Variants in UTP20 observed in about 807,000 individuals in gnomAD.
The protein encoded by UTP20 is UTP20 small subunit processome component.
UTP20 carries 164 observed loss-of-function variants against 329.5 expected under a neutral mutation model. The observed-to-expected ratio is 0.50, with a 90% CI of 0.44 to 0.57. UTP20 has a LOEUF of 0.57. UTP20 is among the 20% of genes least tolerant of loss of function. The pLI is 0.00. For synonymous variants in UTP20, 1,151 were observed against 1,159.3 expected, an observed-to-expected ratio of 0.99 and a Z score of 0.14; for missense variants, 3,055 against 3,284.2, an observed-to-expected ratio of 0.93 and a Z score of 1.71.
intron 44 of UTP20, among the ~76,000 whole-genome samples, chr12:101,363,314 T>C (rs1869988072): frequency 6.6e-6 from 1 of 152,228 alleles, no homozygotes; most frequent in African/African-American, 2.4e-5. Context: ...CAATTATATA[T>C]GTACATCTGT....
At chr12:101,351,927 T>C (rs1460968030) in intron 38 of UTP20, 128 bp from the exon 39 acceptor site, 15 of 1,091,258 alleles carry the variant, frequency 1.4e-5, no homozygotes, top group Non-Finnish European at 2.0e-5. Flanking sequence ...AAAAAATTAG[T>C]ATAGTTTGGA....
At chr12:101,377,267 T>C (rs1253319768) in intron 56 of UTP20, among the ~76,000 whole-genome samples, 3 of 152,168 alleles carry the variant, frequency 2.0e-5, no homozygotes, top group African/African-American at 4.8e-5. Context: ...GTCTATGAAA[T>C]ATAGCAGCAA....
chr12:101,333,986 C>T (rs1419674229), intron 28 of UTP20, among the ~76,000 whole-genome samples: 2 of 152,184 alleles, frequency 1.3e-5, no homozygotes, highest in Admixed American at 6.5e-5. Context: ...TTTATAGCAC[C>T]TCACATAGCG....
chr12:101,309,645 A>C (rs192750824), intron 18 of UTP20, 118 bp from the exon 19 acceptor site: 171 of 908,010 alleles, frequency 1.9e-4, no homozygotes, highest in Non-Finnish European at 2.3e-4. Context: ...TTTTTTTCTT[A>C]TCGCACAGGC....
chr12:101,339,733 G>A (rs1265579610), intron 31 of UTP20, among the ~76,000 whole-genome samples: 1 of 152,020 alleles, frequency 6.6e-6, no homozygotes, highest in Non-Finnish European at 1.5e-5. Flanking sequence ...TTGTGATTTC[G>A]GTAAAGGGAA....
In UTP20 at chr12:101,369,836, C is replaced by G. The variant is rs746467924; in HGVS notation, c.6500C>G (p.Ala2167Gly). Residue 2167 changes from alanine (A) to glycine (G), a missense_variant, in exon 49 of 62, where the codon GCA becomes GGA. Physicochemically the swap from Ala to Gly is moderately conservative, Grantham distance 60. Transcript: ENST00000261637. ...KHLFLLLKDY[A>G]KLGAARGQNF... The stretch of plus-strand genomic sequence containing the variant: ...CTCTTCCTTCTGCTGAAGGACTATG[C>G]AAAGCTCGGGGCCGCCAGGGGCCAG... 1 of 1,614,088 alleles carries G rather than the reference C, an allele frequency of 6.2e-7. No homozygotes were observed. Among genetic ancestry groups the G allele is most frequent in the Admixed American group, 1.7e-5 (1 of 60,012 alleles).
At chr12:101,341,486 C>T (rs896534061) in intron 32 of UTP20, among the ~76,000 whole-genome samples, 1 of 152,112 alleles carries the variant, frequency 6.6e-6, no homozygotes, top group African/African-American at 2.4e-5. Context: ...TTTAGAAGAC[C>T]ACAGATCTGT....
intron 45 of UTP20, among the ~76,000 whole-genome samples, chr12:101,364,718 A>C (rs569671852): frequency 5.9e-5 from 9 of 152,218 alleles, no homozygotes; most frequent in Admixed American, 2.0e-4. Context: ...CATGAATTAC[A>C]TTAGGTCTAA....
chr12:101,315,077 G>A (rs1872928230), intron 21 of UTP20, among the ~76,000 whole-genome samples: 1 of 152,140 alleles, frequency 6.6e-6, no homozygotes, highest in African/African-American at 2.4e-5. Flanking sequence ...GGGCAACAGA[G>A]ACAGAACGAG....
intron 12 of UTP20, among the ~76,000 whole-genome samples, chr12:101,299,350 A>G (rs1872454206): frequency 6.6e-6 from 1 of 152,232 alleles, no homozygotes; most frequent in Admixed American, 6.5e-5. Flanking sequence ...AAGGAAAGGG[A>G]GAATGGAGGA....
intron 29 of UTP20, among the ~76,000 whole-genome samples, chr12:101,336,595 C>T (rs1274003130): frequency 6.6e-6 from 1 of 152,216 alleles, no homozygotes; most frequent in African/African-American, 2.4e-5. Flanking sequence ...CTAGTCACCA[C>T]AGCCCCAGCA....
intron 57 of UTP20, among the ~76,000 whole-genome samples, chr12:101,379,939 C>T (rs930637254): frequency 1.3e-5 from 2 of 152,086 alleles, no homozygotes; most frequent in African/African-American, 4.8e-5. Flanking sequence ...TCTGCCTCAG[C>T]CTCCCGGGTA....
chr12:101,347,763 A>G (rs7135003), intron 38 of UTP20, among the ~76,000 whole-genome samples: 30,268 of 152,164 alleles, frequency 0.2, 6,539 homozygotes, highest in East Asian at 0.55. Flanking sequence ...GTTTGATGCC[A>G]TTGAAATATG....
chr12:101,281,119 C>T lies in UTP20; in HGVS notation c.49C>T (p.Leu17Phe). The T allele has an allele frequency of 6.2e-7, 1 of 1,611,308 alleles. No homozygotes were observed. Among genetic ancestry groups the T allele is most frequent in the Non-Finnish European group, 8.5e-7 (1 of 1,178,508 alleles). Residue 17 changes from leucine (L) to phenylalanine (F), a missense_variant, in exon 2 of 62, where the codon CTT (leucine) becomes TTT (phenylalanine). Leu to Phe is a conservative substitution (Grantham distance 22). This residue lies in a region of UTP20 where 2,445 missense variants were observed against 2,575.5 expected (regional missense o/e 0.95). Transcript: ENST00000261637. ...TTAAATATACTTTCCCTTCCAGTTT[C>T]TTACATTTGCTGAACGACTGGGGAA... is the stretch of plus-strand genomic sequence containing the variant. ...SHKTENTYRF[L>F]TFAERLGNVN... is the part of the protein sequence containing the mutation.
intron 28 of UTP20, 108 bp downstream of exon 28, chr12:101,333,552 T>C: frequency 1.5e-6 from 2 of 1,366,030 alleles, no homozygotes; most frequent in Non-Finnish European, 9.9e-7. Flanking sequence ...GGGTCTTTCC[T>C]TTTACATCGA....
intron 56 of UTP20, among the ~76,000 whole-genome samples, chr12:101,377,702 C>T (rs753494337): frequency 1.3e-5 from 2 of 152,084 alleles, no homozygotes; most frequent in Non-Finnish European, 2.9e-5. Context: ...GTTTGGGTCT[C>T]AATGGAGTGG....
rs199668862 is a variant in UTP20, at chr12:101,338,979, A to G, written c.4013+22A>G. Reference sequence around the variant, plus strand: ...CAAAGTAAGTGATATGTTGATACTTAAAAGATAACATTACCATCCTTGGTT... The same window carrying G: ...CAAAGTAAGTGATATGTTGATACTTGAAAGATAACATTACCATCCTTGGTT... On this transcript the variant is annotated intron_variant, in intron 31 of 61. Coordinates refer to ENST00000261637, the MANE Select transcript of UTP20 (RefSeq NM_014503.3). The G allele has an allele frequency of 2.7e-4, 426 of 1,562,036 alleles. 1 individual carries two copies. In the African/African-American group the frequency reaches 5.4e-3, roughly 20 times the overall value.
rs1017827660 is a variant in UTP20 at position 101,292,056 on chromosome 12, T to C, written c.1125T>C (p.Gly375=). 2 of 1,614,022 alleles carry C rather than the reference T, an allele frequency of 1.2e-6. No homozygotes were observed. The highest frequency in any genetic ancestry group is 2.7e-5 in the African/African-American group (2 of 74,936). The part of the protein sequence containing the change: ...LLDVISALIL[G]ENVSLPETLI... Reference sequence around the variant, plus strand: ...ATGTAATTTCTGCTTTGATCCTGGGTGAAAATGTTTCCTTGCCGGAGACCC... The same window carrying C: ...ATGTAATTTCTGCTTTGATCCTGGGCGAAAATGTTTCCTTGCCGGAGACCC... The change falls in exon 10 of 62, where the codon GGT becomes GGC. Residue 375 remains glycine (G), a synonymous_variant. Transcript: ENST00000261637.
At chr12:101,346,419 G>A (rs200000945) in intron 37 of UTP20, 32 bp from the exon 38 acceptor site, 8 of 1,553,212 alleles carry the variant, frequency 5.2e-6, no homozygotes, top group African/African-American at 1.4e-5. Flanking sequence ...GAGATTATTC[G>A]GTAACTAATT....
Sources: gnomAD v4.1 joint callset for allele counts (sites outside exome capture counted in the v4.1 genomes callset) on GRCh38, gnomAD v4.1.1 for gene constraint, gnomAD v4.1.1 regional missense constraint, MANE v1.5 for transcripts, NCBI Gene and HGNC (gene_info 2026-07-23, HGNC 2026-07-21) for gene names.